Variants in ZNF831 observed in about 807,000 individuals in gnomAD.
ZNF831 encodes zinc finger protein 831, also known as chromosome 20 open reading frame 174.
ZNF831 carries 59 observed loss-of-function variants against 95.8 expected under a neutral mutation model. The ratio of observed to expected loss-of-function variants is 0.62; its 90% CI spans 0.50 to 0.77. ZNF831 has a LOEUF of 0.77. Among genes scored for constraint, ZNF831 ranks in the 30% least tolerant of loss-of-function variants. ZNF831 has a pLI of 0.00. For missense variants in ZNF831, 2,205 were observed against 2,164.0 expected, an observed-to-expected ratio of 1.02 and a Z score of -0.38; for synonymous variants, 961 against 925.5, an observed-to-expected ratio of 1.04 and a Z score of -0.70.
intron 1 of ZNF831, among the ~76,000 whole-genome samples, chr20:59,172,649 A>G (rs1301547487): frequency 6.6e-6 from 1 of 152,112 alleles, no homozygotes; most frequent in African/African-American, 2.4e-5. Flanking sequence ...TTCCGGCCTC[A>G]CTAAATGCAG....
rs140239628 is a variant in ZNF831, at chr20:59,189,851, T to A, written c.-36-1133T>A. Among the ~76,000 whole-genome samples, 304 of 152,316 alleles carry A rather than the reference T, an allele frequency of 2.0e-3. 2 individuals are homozygous for A. Among genetic ancestry groups the A allele is most frequent in the African/African-American group, 6.7e-3 (279 of 41,586 alleles). On this transcript the variant is annotated intron_variant, in intron 1 of 5. Transcript: ENST00000371030. ...CCACACCCTGCTTAGAACCCCTTACTGCTAACGGCTGGAATGTGGTTGTTT... is the reference window on the plus strand; with the variant it reads ...CCACACCCTGCTTAGAACCCCTTACAGCTAACGGCTGGAATGTGGTTGTTT...
chr20:59,171,353 A>AT (rs1171929474), intron 1 of ZNF831, among the ~76,000 whole-genome samples: 1 of 152,254 alleles, frequency 6.6e-6, no homozygotes, highest in African/African-American at 2.4e-5. Flanking sequence ...ATTGAATGGC[A>AT]TTTTTTGGAG....
At chr20:59,123,940 G>T (rs1401990695) in intron 1 of ZNF831, among the ~76,000 whole-genome samples, 1 of 152,164 alleles carries the variant, frequency 6.6e-6, no homozygotes, top group Non-Finnish European at 1.5e-5. Flanking sequence ...CAGTTGAAAG[G>T]ATATTAAAGT....
intron 4 of ZNF831, among the ~76,000 whole-genome samples, chr20:59,228,404 AACTAACTTCCAT>A (rs1986545299): frequency 6.6e-6 from 1 of 150,412 alleles, no homozygotes; most frequent in South Asian, 2.3e-4. Context: ...GCTGACAGCC[AACTAACTTCCAT>A]GCTGCCAACC....
chr20:59,175,379 CT>C (rs1200292271), intron 1 of ZNF831, among the ~76,000 whole-genome samples: 1 of 151,886 alleles, frequency 6.6e-6, no homozygotes, highest in East Asian at 1.9e-4. Context: ...AATATTAGAC[CT>C]TTTGTTAGTG....
At chr20:59,175,424 A>AT (rs202059130) in intron 1 of ZNF831, among the ~76,000 whole-genome samples, 42 of 148,806 alleles carry the variant, frequency 2.8e-4, no homozygotes, top group Non-Finnish European at 4.6e-4. Context: ...TTTTTTTTTT[A>AT]TTTTTTTTAA....
chr20:59,128,316 C>G lies in ZNF831; in HGVS notation c.-1425+4811C>G, dbSNP rs569043868. On this transcript the variant is annotated intron_variant, in intron 1 of 7. Coordinates refer to the ZNF831 transcript ENST00000637017. ...TGAGCAGTGGCCAGCGTGCATACTC[C>G]TGTCCCTGCAAGGGTATGGAACACT... Among the ~76,000 whole-genome samples, 8 of 152,320 alleles carry G rather than the reference C, an allele frequency of 5.3e-5. No homozygotes were observed. The East Asian group carries it at 1.2e-3, about 22-fold the overall frequency.
At chr20:59,181,145 A>T (rs1982585520) in intron 1 of ZNF831, among the ~76,000 whole-genome samples, 1 of 151,910 alleles carries the variant, frequency 6.6e-6, no homozygotes, top group Admixed American at 6.6e-5. Context: ...TCTTTTTTTC[A>T]TATGTTTGTT....
chr20:59,126,840 G>A (rs368047874), intron 1 of ZNF831, among the ~76,000 whole-genome samples: 2 of 152,202 alleles, frequency 1.3e-5, no homozygotes, highest in African/African-American at 2.4e-5. Flanking sequence ...TGGCTCCGTC[G>A]TCTTTGTGGC....
chr20:59,235,710 C>CT (rs1182374582), intron 4 of ZNF831, among the ~76,000 whole-genome samples: 1 of 152,148 alleles, frequency 6.6e-6, no homozygotes, highest in African/African-American at 2.4e-5. Flanking sequence ...GTAGGGTAGA[C>CT]TTTTGCACTG....
At chr20:59,209,390 C>T (rs1031704065) in intron 4 of ZNF831, among the ~76,000 whole-genome samples, 2 of 152,158 alleles carry the variant, frequency 1.3e-5, no homozygotes, top group Non-Finnish European at 2.9e-5. Flanking sequence ...AAAGGAGGCT[C>T]TTTCTGGAAA....
intron 4 of ZNF831, among the ~76,000 whole-genome samples, chr20:59,248,008 G>A (rs1419773058): frequency 6.6e-6 from 1 of 152,162 alleles, no homozygotes; most frequent in Non-Finnish European, 1.5e-5. Flanking sequence ...GCCTTTTCAA[G>A]ATGGCCACAT....
chr20:59,132,582 T>A (rs1448983251), intron 1 of ZNF831, among the ~76,000 whole-genome samples: 1 of 152,244 alleles, frequency 6.6e-6, no homozygotes, highest in African/African-American at 2.4e-5. Context: ...CTTTTGATGA[T>A]CAGAGAGGTG....
chr20:59,248,123 C>G (rs955205182), intron 4 of ZNF831, among the ~76,000 whole-genome samples: 1 of 152,196 alleles, frequency 6.6e-6, no homozygotes, highest in Admixed American at 6.5e-5. Flanking sequence ...AGGGAAAGAA[C>G]AGCACGGCAC....
chr20:59,150,358 G>A (rs1980157887), intron 2 of ZNF831, among the ~76,000 whole-genome samples: 3 of 152,264 alleles, frequency 2.0e-5, no homozygotes, highest in Middle Eastern at 3.4e-3. Flanking sequence ...AGTGGACCTC[G>A]GGTCACAGGT....
At chr20:59,168,875 T>C (rs1413129005) in intron 1 of ZNF831, among the ~76,000 whole-genome samples, 1 of 152,216 alleles carries the variant, frequency 6.6e-6, no homozygotes. Context: ...CCTGTTAATA[T>C]GGTGGATTAT....
intron 4 of ZNF831, among the ~76,000 whole-genome samples, chr20:59,225,925 G>A (rs999785374): frequency 1.3e-5 from 2 of 152,202 alleles, no homozygotes; most frequent in Admixed American, 6.5e-5. Flanking sequence ...CTGGATCCAG[G>A]GATGTAAACA....
chr20:59,128,257 A>G (rs1297253593), intron 1 of ZNF831, among the ~76,000 whole-genome samples: 1 of 152,226 alleles, frequency 6.6e-6, no homozygotes, highest in Non-Finnish European at 1.5e-5. Context: ...ATAATTACAT[A>G]TGGTAAAATG....
chr20:59,249,237 T>G (rs148755445), intron 4 of ZNF831, among the ~76,000 whole-genome samples: 56 of 152,332 alleles, frequency 3.7e-4, no homozygotes, highest in Middle Eastern at 6.8e-3. Context: ...TGGCTACTCT[T>G]TGGATTAAGC....
Sources: gnomAD v4.1 joint callset for allele counts (sites outside exome capture counted in the v4.1 genomes callset) on GRCh38, gnomAD v4.1.1 for gene constraint, MANE v1.5 for transcripts, NCBI Gene and HGNC (gene_info 2026-07-23, HGNC 2026-07-21) for gene names.